Variants in ERC2 observed in about 807,000 individuals in gnomAD.
ERC2 encodes ERC protein 2.
In ERC2, 42 loss-of-function variants were observed where a neutral mutation model predicts 114.8. That is an observed-to-expected ratio of 0.37 (90% CI 0.29 to 0.47). The LOEUF is 0.47. Ranked by LOEUF, ERC2 falls within the 20% of genes least tolerant of loss-of-function variation. The pLI is 0.99. For missense variants in ERC2, 939 were observed against 1,150.7 expected, an observed-to-expected ratio of 0.82 and a Z score of 2.66; for synonymous variants, 454 against 425.5, an observed-to-expected ratio of 1.07 and a Z score of -0.82.
At chr3:55,533,021 G>A in intron 17 of ERC2, among the ~76,000 whole-genome samples, 1 of 152,254 alleles carries the variant, frequency 6.6e-6, no homozygotes, top group Non-Finnish European at 1.5e-5. Context: ...TGGGGCATGA[G>A]TCAGAAAATG....
chr3:56,147,737 A>T (rs370238263), intron 5 of ERC2, among the ~76,000 whole-genome samples: 86 of 152,342 alleles, frequency 5.6e-4, no homozygotes, highest in African/African-American at 1.9e-3. Context: ...AAAAAGAAAA[A>T]AGAAAACAAA....
At position 55,822,076 on chromosome 3, in the gene ERC2, G is replaced by A. The variant is rs538269394; in HGVS notation, c.2564+66313C>T. 2.6e-5 allele frequency among the ~76,000 whole-genome samples: 4 copies of A among 152,188 alleles called. No individual in the cohort carries two copies. The East Asian group carries it at 7.7e-4, about 29-fold the overall frequency. ...AGAGGGTGTAAAGGATATTTTCACT[G>A]TAAAAGTCCCCTTTGCTTTACTGGT... is the stretch of plus-strand genomic sequence containing the variant. On this transcript the variant is annotated intron_variant, in intron 14 of 17. Coordinates refer to ENST00000288221, the MANE Select transcript of ERC2 (RefSeq NM_015576.3).
At chr3:55,962,840 C>T (rs1049677589) in intron 12 of ERC2, among the ~76,000 whole-genome samples, 2 of 152,210 alleles carry the variant, frequency 1.3e-5, no homozygotes, top group Non-Finnish European at 2.9e-5. Context: ...AGAGTTCCTT[C>T]CCACCACTGT....
intron 2 of ERC2, among the ~76,000 whole-genome samples, chr3:56,332,296 A>G (rs1390197365): frequency 6.6e-6 from 1 of 152,238 alleles, no homozygotes; most frequent in Non-Finnish European, 1.5e-5. Flanking sequence ...ATCCAAGCTC[A>G]TACAATCTCA....
chr3:56,048,113 A>T (rs1269575314), intron 7 of ERC2, among the ~76,000 whole-genome samples: 4 of 152,226 alleles, frequency 2.6e-5, no homozygotes, highest in African/African-American at 9.6e-5. Flanking sequence ...TATTCAGATA[A>T]GCAAGTCAAA....
chr3:55,628,024 T>C (rs1041948281), intron 17 of ERC2, among the ~76,000 whole-genome samples: 1 of 151,926 alleles, frequency 6.6e-6, no homozygotes, highest in African/African-American at 2.4e-5. Context: ...TTTCAGAAAA[T>C]TGTATCTAAT....
At chr3:55,689,338 A>C (rs574160225) in intron 16 of ERC2, among the ~76,000 whole-genome samples, 2 of 152,270 alleles carry the variant, frequency 1.3e-5, no homozygotes, top group African/African-American at 4.8e-5. Context: ...AGCTGTGACA[A>C]ACTAGTCTTT....
intron 13 of ERC2, among the ~76,000 whole-genome samples, chr3:55,928,625 T>C (rs2065889629): frequency 1.3e-5 from 2 of 152,188 alleles, no homozygotes; most frequent in Non-Finnish European, 1.5e-5. Flanking sequence ...GTAATCCCAC[T>C]TGTCCATTTT....
At chr3:56,262,925 C>T (rs1255330208) in intron 3 of ERC2, among the ~76,000 whole-genome samples, 1 of 152,166 alleles carries the variant, frequency 6.6e-6, no homozygotes, top group Non-Finnish European at 1.5e-5. Context: ...GGTCTCAAGC[C>T]AATTCACCTA....
At chr3:56,370,255 G>A (rs1308076425) in intron 2 of ERC2, among the ~76,000 whole-genome samples, 2 of 152,176 alleles carry the variant, frequency 1.3e-5, no homozygotes, top group Non-Finnish European at 2.9e-5. Flanking sequence ...TGCTAACTCT[G>A]GCAAAAGTTA....
intron 7 of ERC2, among the ~76,000 whole-genome samples, chr3:56,036,038 G>T (rs377365276): frequency 1.3e-5 from 2 of 152,032 alleles, no homozygotes; most frequent in East Asian, 1.9e-4. Context: ...TTATTATTGG[G>T]ATGAAGAATT....
intron 3 of ERC2, among the ~76,000 whole-genome samples, chr3:56,205,787 T>C (rs1487182316): frequency 6.6e-6 from 1 of 152,180 alleles, no homozygotes; most frequent in Non-Finnish European, 1.5e-5. Flanking sequence ...GGAGAATCAA[T>C]AGCTGGTAAG....
rs931246015 is a variant in ERC2, at chr3:55,667,387, T to C, written c.*39+16407A>G. ...ACCTTTAAAAAGATTCCAGAGGGAA[T>C]TTCTGAACTCTTTTAAAGTGAAACC... is the stretch of plus-strand genomic sequence containing the variant. On this transcript the variant is annotated intron_variant, in intron 17 of 17. Transcript: ENST00000288221. 3.3e-5 allele frequency among the ~76,000 whole-genome samples: 5 copies of C among 152,238 alleles called. 1 individual carries two copies. In the South Asian group the frequency reaches 1.0e-3, roughly 31 times the overall value.
intron 3 of ERC2, among the ~76,000 whole-genome samples, chr3:56,203,459 T>C (rs988144479): frequency 7.9e-5 from 12 of 152,216 alleles, no homozygotes. Flanking sequence ...ATTATTAAGT[T>C]ATCGTATACT....
intron 17 of ERC2, among the ~76,000 whole-genome samples, chr3:55,652,196 A>G (rs2148680824): frequency 6.6e-6 from 1 of 152,324 alleles, no homozygotes; most frequent in South Asian, 2.1e-4. Context: ...TGCTCGTTGT[A>G]AAGGGCAGTG....
Position 56,008,588 on chromosome 3 carries a change from T to C in ERC2, c.1921-1267A>G, listed in dbSNP as rs540319712. ...GGCAACTGCATATTGTTTTCCTTTA[T>C]AAATTTTAAATTGCCAGATGCAATA... On this transcript the variant is annotated intron_variant, in intron 9 of 17. Transcript: ENST00000288221. Among the ~76,000 whole-genome samples, 166 of 152,318 alleles carry C rather than the reference T, an allele frequency of 1.1e-3. 2 individuals carry two copies. The highest frequency in any genetic ancestry group is 3.8e-3 in the African/African-American group (158 of 41,586).
intron 6 of ERC2, among the ~76,000 whole-genome samples, chr3:56,114,314 T>C (rs1161108612): frequency 2.0e-5 from 3 of 152,192 alleles, no homozygotes; most frequent in Non-Finnish European, 4.4e-5. Flanking sequence ...CCAGAGGAAG[T>C]CCATGGTCAG....
At chr3:55,842,257 T>C (rs982928866) in intron 14 of ERC2, among the ~76,000 whole-genome samples, 3 of 152,130 alleles carry the variant, frequency 2.0e-5, no homozygotes, top group East Asian at 1.9e-4. Flanking sequence ...AAAAAAAAGA[T>C]GATCAAAATC....
At chr3:55,952,556 C>T (rs2149449027) in intron 12 of ERC2, among the ~76,000 whole-genome samples, 1 of 152,150 alleles carries the variant, frequency 6.6e-6, no homozygotes, top group Non-Finnish European at 1.5e-5. Flanking sequence ...TTTTCCAGTT[C>T]CTTAGGAAAT....
Sources: gnomAD v4.1 joint callset for allele counts (sites outside exome capture counted in the v4.1 genomes callset) on GRCh38, gnomAD v4.1.1 for gene constraint, MANE v1.5 for transcripts, NCBI Gene and HGNC (gene_info 2026-07-23, HGNC 2026-07-21) for gene names.